NAV2: variants seen among roughly 807,000 people sequenced by gnomAD.
NAV2 encodes neuron navigator 2.
NAV2 carries 54 observed loss-of-function variants against 223.2 expected under a neutral mutation model. That is an observed-to-expected ratio of 0.24 (90% CI 0.19 to 0.30). The LOEUF (loss-of-function observed/expected upper bound fraction) is 0.30, where lower values mean the gene tolerates loss of function less well. NAV2 is among the 10% of genes least tolerant of loss of function. The probability of loss-of-function intolerance (pLI) is 1.00; values close to 1 mark genes in which losing one functional copy is unlikely to be tolerated. For synonymous variants in NAV2, 1,279 were observed against 1,239.3 expected (o/e 1.03, Z -0.67); for missense variants, 2,806 against 3,147.5 (o/e 0.89, Z 2.60).
intron 1 of NAV2, among the ~76,000 whole-genome samples, chr11:19,484,127 A>AACACACACACACACACAC (rs58138697): frequency 6.9e-5 from 10 of 144,898 alleles, no homozygotes; most frequent in East Asian, 4.2e-4. Flanking sequence ...ACTGATCACA[A>AACACACACACACACACAC]ACACACACAC....
rs181678296 is a variant in NAV2 at position 20,006,401 on chromosome 11, A to G, written c.2768+22154A>G. The stretch of plus-strand genomic sequence containing the variant: ...TATTAAATATAAAAATTGTGGCCGA[A>G]TGCAGTGGCTCACACATGTAATCCC... On this transcript the variant is annotated intron_variant, in intron 11 of 37. Transcript: ENST00000349880. 4.9e-3 allele frequency among the ~76,000 whole-genome samples: 744 copies of G among 151,938 alleles called. 3 individuals carry two copies. The highest frequency in any genetic ancestry group is 0.017 in the African/African-American group (719 of 41,440).
chr11:19,486,132 C>T (rs1350234192), intron 1 of NAV2, among the ~76,000 whole-genome samples: 1 of 152,146 alleles, frequency 6.6e-6, no homozygotes, highest in Non-Finnish European at 1.5e-5. Flanking sequence ...CACCCTTCCT[C>T]TGATGTTTGC....
At position 19,613,524 on chromosome 11, in the gene NAV2, C is replaced by T. The variant is rs558607242; in HGVS notation, c.76-218960C>T. 2.6e-5 allele frequency among the ~76,000 whole-genome samples: 4 copies of T among 152,156 alleles called. No homozygotes were observed. In the East Asian group the frequency reaches 7.7e-4, roughly 29 times the overall value. ...GGTTGAGGAAGCAGCCATCTCATGC[C>T]CTAATCAGACTGTTGAAATGATGTC... On this transcript the variant is annotated intron_variant, in intron 1 of 37. Transcript: ENST00000360655.
intron 1 of NAV2, among the ~76,000 whole-genome samples, chr11:19,636,087 TCA>T (rs970941820): frequency 7.2e-5 from 11 of 152,222 alleles, no homozygotes; most frequent in African/African-American, 2.4e-4. Flanking sequence ...AGCCTGAATC[TCA>T]CCTATTAGAG....
intron 1 of NAV2, among the ~76,000 whole-genome samples, chr11:19,415,173 G>T (rs1850313139): frequency 6.6e-6 from 1 of 152,182 alleles, no homozygotes; most frequent in South Asian, 2.1e-4. Context: ...TTTTTGAGAA[G>T]ATTAACAAAG....
At chr11:19,902,962 A>T (rs1190905426) in intron 6 of NAV2, among the ~76,000 whole-genome samples, 1 of 152,238 alleles carries the variant, frequency 6.6e-6, no homozygotes, top group African/African-American at 2.4e-5. Flanking sequence ...GACCCTGAAC[A>T]GTAAAGCCTG....
intron 1 of NAV2, among the ~76,000 whole-genome samples, chr11:19,664,893 G>A (rs543405839): frequency 4.9e-4 from 75 of 152,332 alleles, no homozygotes; most frequent in African/African-American, 1.8e-3. Context: ...TCAGGGCAGG[G>A]TGTGAGAGAG....
At chr11:20,090,492 A>G (rs2060763209) in intron 26 of NAV2, among the ~76,000 whole-genome samples, 1 of 152,222 alleles carries the variant, frequency 6.6e-6, no homozygotes, top group African/African-American at 2.4e-5. Flanking sequence ...TAAAATTTAA[A>G]AAGTGAAACC....
chr11:19,551,248 G>C (rs1211610444), intron 1 of NAV2, among the ~76,000 whole-genome samples: 1 of 152,256 alleles, frequency 6.6e-6, no homozygotes, highest in Non-Finnish European at 1.5e-5. Flanking sequence ...CAGGTTGGCA[G>C]GCTCACTTGT....
intron 1 of NAV2, among the ~76,000 whole-genome samples, chr11:19,792,589 C>T (rs1433551376): frequency 6.6e-6 from 1 of 152,242 alleles, no homozygotes; most frequent in Non-Finnish European, 1.5e-5. Flanking sequence ...AAGGCCTTCT[C>T]TGCAAACCTG....
chr11:19,361,810 T>C (rs1204227350), intron 1 of NAV2, among the ~76,000 whole-genome samples: 1 of 152,176 alleles, frequency 6.6e-6, no homozygotes, highest in Non-Finnish European at 1.5e-5. Flanking sequence ...ATCTAATTTC[T>C]GCTTGTGTCC....
chr11:20,005,670 G>C (rs531870002), intron 11 of NAV2, among the ~76,000 whole-genome samples: 1 of 152,026 alleles, frequency 6.6e-6, no homozygotes, highest in South Asian at 2.1e-4. Flanking sequence ...GCACTTCATT[G>C]TGCCAGGCAG....
chr11:19,528,928 C>CAAA (rs528321807), intron 1 of NAV2, among the ~76,000 whole-genome samples: 23 of 82,314 alleles, frequency 2.8e-4, no homozygotes, highest in Non-Finnish European at 3.6e-4. Flanking sequence ...GACTCCATCT[C>CAAA]AAAAAAAAAA....
intron 1 of NAV2, among the ~76,000 whole-genome samples, chr11:19,633,659 T>C (rs752637632): frequency 3.4e-4 from 52 of 152,386 alleles, no homozygotes; most frequent in Admixed American, 4.6e-4. Flanking sequence ...CACGGACTGC[T>C]GCCAGGGGAA....
chr11:20,013,817 G>A (rs1329672173), intron 11 of NAV2, among the ~76,000 whole-genome samples: 1 of 152,200 alleles, frequency 6.6e-6, no homozygotes, highest in Non-Finnish European at 1.5e-5. Context: ...AGATCTAGGG[G>A]TATAGTTTTA....
At chr11:19,447,695 G>A (rs1385810032) in intron 1 of NAV2, among the ~76,000 whole-genome samples, 5 of 152,166 alleles carry the variant, frequency 3.3e-5, no homozygotes, top group South Asian at 2.1e-4. Flanking sequence ...GGCAGAGACC[G>A]TATCTCTTTC....
At chr11:19,755,133 G>A (rs189480208) in intron 1 of NAV2, among the ~76,000 whole-genome samples, 1 of 152,300 alleles carries the variant, frequency 6.6e-6, no homozygotes, top group Admixed American at 6.5e-5. Flanking sequence ...CAAATGCAAT[G>A]TCTTCCCCAA....
intron 1 of NAV2, among the ~76,000 whole-genome samples, chr11:19,410,956 G>C (rs1040622622): frequency 3.9e-5 from 6 of 152,136 alleles, no homozygotes; most frequent in African/African-American, 1.4e-4. Context: ...GAAATACAGG[G>C]AACCCATGTT....
At chr11:19,373,525 A>G (rs191570428) in intron 1 of NAV2, among the ~76,000 whole-genome samples, 90 of 152,240 alleles carry the variant, frequency 5.9e-4, no homozygotes, top group Non-Finnish European at 2.9e-4. Context: ...CTCTTCCTTC[A>G]GGTCACCTCC....
Sources: gnomAD v4.1 joint callset for allele counts (sites outside exome capture counted in the v4.1 genomes callset) on GRCh38, gnomAD v4.1.1 for gene constraint, MANE v1.5 for transcripts, NCBI Gene and HGNC (gene_info 2026-07-23, HGNC 2026-07-21) for gene names.